The following LTBP2 variants were observed in gnomAD, a reference collection of about 807,000 sequenced individuals.
The protein encoded by LTBP2 is latent-transforming growth factor beta-binding protein 2.
LTBP2 carries 103 observed loss-of-function variants against 210.6 expected under a neutral mutation model. That is an observed-to-expected ratio of 0.49 (90% CI 0.42 to 0.58). LTBP2 has a LOEUF of 0.58. LTBP2 is among the 20% of genes least tolerant of loss of function. The pLI, the probability that LTBP2 is intolerant of heterozygous loss-of-function variation, is 0.00. For synonymous variants in LTBP2, 1,007 were observed against 1,015.0 expected (o/e 0.99, Z 0.15); for missense variants, 2,313 against 2,494.5 (o/e 0.93, Z 1.55).
At chr14:74,585,703 C>T in intron 3 of LTBP2, 151 bp downstream of exon 3, 1 of 1,267,720 alleles carries the variant, frequency 7.9e-7, no homozygotes, top group South Asian at 1.4e-5. Context: ...TATCTCTGGC[C>T]ATGCCAGGGA....
At chr14:74,564,275 ATATATATATT>A (rs1566640967) in intron 3 of LTBP2, among the ~76,000 whole-genome samples, 4 of 3,590 alleles carry the variant, frequency 1.1e-3, no homozygotes, top group African/African-American at 3.6e-3. Context: ...ATATATATTT[ATATATATATT>A]TATATATATA....
chr14:74,586,091 C>A lies in LTBP2; in HGVS notation c.593G>T (p.Arg198Leu). ...GAGCTGCGGGCGGCTGCAGGAGCCC[C>A]GGTTCTGGCACGGCGGCTCGCAAAC... is the stretch of plus-strand genomic sequence containing the variant. ...KPVCEPPCQN[R>L]GSCSRPQLCV... Residue 198 changes from arginine to leucine, a missense_variant, in exon 3 of 36, where the codon CGG (arginine) becomes CTG (leucine). Arg to Leu is a moderately radical substitution (Grantham distance 102, BLOSUM62 -2). Coordinates refer to ENST00000261978, the MANE Select transcript of LTBP2 (RefSeq NM_000428.3). This position sits in a 1 kb window ranked among gnomAD's most constrained non-coding sequence, Gnocchi z 4.6. 6.2e-7 allele frequency: 1 copy of A among 1,600,496 alleles called. No individual in the cohort carries two copies. The highest frequency in any genetic ancestry group is 8.5e-7 in the Non-Finnish European group (1 of 1,174,074).
chr14:74,513,844 A>G lies in LTBP2; in HGVS notation c.2909-2480T>C, dbSNP rs146568061. 2.0e-5 allele frequency among the ~76,000 whole-genome samples: 3 copies of G among 152,232 alleles called. No homozygotes were observed. The East Asian group carries it at 5.8e-4, about 29-fold the overall frequency. ...ACAAACAAACTTGGCTGCTATGTCA[A>G]TAAGATAGGGGTTGTTTGTTAACGC... On this transcript the variant is annotated intron_variant, in intron 18 of 35. Coordinates refer to ENST00000261978, the MANE Select transcript of LTBP2 (RefSeq NM_000428.3).
rs1377797214 is a variant in LTBP2, at chr14:74,529,129, C to T, written c.1988-7G>A. On this transcript the variant is annotated splice_region_variant and splice_polypyrimidine_tract_variant and intron_variant, in intron 10 of 35. Coordinates refer to ENST00000261978, the MANE Select transcript of LTBP2 (RefSeq NM_000428.3). ...ATGGAGATTGCCTTGTCCGCTGCAA[C>T]AGACACAGCACGTGGAGGTGGGCAG... 4 of 1,551,230 alleles carry T rather than the reference C, an allele frequency of 2.6e-6. No individual in the cohort carries two copies. Among genetic ancestry groups the T allele is most frequent in the Non-Finnish European group, 1.7e-6 (2 of 1,147,132 alleles).
In LTBP2 at chr14:74,611,387, G is replaced by A. The variant is rs1022645940; in HGVS notation, c.494+64C>T. Reference sequence around the variant, plus strand: ...CGGCGCCCTCTCCTCTCGCCTGCACGCCCCTCCACAAATGAGCCCTGGCTC... The same window carrying A: ...CGGCGCCCTCTCCTCTCGCCTGCACACCCCTCCACAAATGAGCCCTGGCTC... On this transcript the variant is annotated intron_variant, in intron 1 of 35. Transcript: ENST00000261978. 4 of 1,402,002 alleles carry A rather than the reference G, an allele frequency of 2.9e-6. No individual in the cohort carries two copies. In the African/African-American group the frequency reaches 6.0e-5, roughly 21 times the overall value. The allele number at this position is 1,402,002 out of a possible 1,614,324, so 86.8% of individuals were successfully genotyped here. A position where few individuals can be genotyped will look rare whatever the true frequency, so the allele number is the denominator to read the frequency against.
chr14:74,572,757 A>G (rs2088002456), intron 3 of LTBP2, among the ~76,000 whole-genome samples: 1 of 151,996 alleles, frequency 6.6e-6, no homozygotes, highest in Non-Finnish European at 1.5e-5. Flanking sequence ...ACACACACGC[A>G]TACACACACA....
Position 74,528,523 on chromosome 14 carries a change from G to A in LTBP2, c.2328C>T (p.Val776=), listed in dbSNP as rs1441802107. 6.2e-7 allele frequency: 1 copy of A among 1,612,334 alleles called. No individual in the cohort carries two copies. Among genetic ancestry groups the A allele is most frequent in the Non-Finnish European group, 8.5e-7 (1 of 1,180,042 alleles). The change falls in exon 12 of 36, where the codon GTC becomes GTT. Residue 776 remains valine, a synonymous_variant. Coordinates refer to ENST00000261978, the MANE Select transcript of LTBP2 (RefSeq NM_000428.3). ...TCCCGGCCTCAAGCCAGGTGTCCGTGACGACCCGGAGGGGCTGCCTCTCTG... is the reference window on the plus strand; with the variant it reads ...TCCCGGCCTCAAGCCAGGTGTCCGTAACGACCCGGAGGGGCTGCCTCTCTG... ...GPAERQPLRV[V]TDTWLEAGTI...
intron 3 of LTBP2, among the ~76,000 whole-genome samples, chr14:74,576,024 C>T (rs1486023973): frequency 6.6e-6 from 1 of 152,196 alleles, no homozygotes; most frequent in Non-Finnish European, 1.5e-5. Flanking sequence ...GCTGCCACAA[C>T]CCCCTGTCCA....
intron 18 of LTBP2, 140 bp downstream of exon 18, chr14:74,516,682 T>C: frequency 8.7e-7 from 1 of 1,144,340 alleles, no homozygotes; most frequent in Non-Finnish European, 1.3e-6. Context: ...CTCATAGGTG[T>C]CTCTGTCCAT....
At chr14:74,599,652 A>C (rs1299537019) in intron 2 of LTBP2, among the ~76,000 whole-genome samples, 1 of 152,264 alleles carries the variant, frequency 6.6e-6, no homozygotes. Context: ...ATGGCGGCCC[A>C]GCTCTAGCCC....
chr14:74,561,558 TAAG>T (rs747801134), intron 3 of LTBP2, among the ~76,000 whole-genome samples: 2 of 152,218 alleles, frequency 1.3e-5, no homozygotes, highest in Admixed American at 6.5e-5. Context: ...GGCCACTCTT[TAAG>T]AATGAGAGTG....
chr14:74,568,190 T>C (rs189896272), intron 3 of LTBP2, among the ~76,000 whole-genome samples: 1 of 152,308 alleles, frequency 6.6e-6, no homozygotes, highest in Non-Finnish European at 1.5e-5. Flanking sequence ...GGCTAGATTT[T>C]GGCCCCAGGG....
At chr14:74,567,481 C>T (rs2087920153) in intron 3 of LTBP2, among the ~76,000 whole-genome samples, 1 of 152,122 alleles carries the variant, frequency 6.6e-6, no homozygotes. Context: ...TGGGGGTGGC[C>T]CTGAGAGGTT....
intron 6 of LTBP2, among the ~76,000 whole-genome samples, chr14:74,551,792 TC>T (rs2087660521): frequency 6.6e-6 from 1 of 152,166 alleles, no homozygotes; most frequent in African/African-American, 2.4e-5. Context: ...CATCCCCTGA[TC>T]CCCTAAAGCA....
At chr14:74,526,899 C>T (rs3784029) in intron 13 of LTBP2, among the ~76,000 whole-genome samples, 44,578 of 151,946 alleles carry the variant, frequency 0.29, 6,873 homozygotes, top group African/African-American at 0.38. Flanking sequence ...TGGTTTGAGG[C>T]TGTTCACAGC....
chr14:74,517,027 G>T, intron 17 of LTBP2, 86 bp from the exon 18 acceptor site: 1 of 1,506,818 alleles, frequency 6.6e-7, no homozygotes, highest in Non-Finnish European at 8.9e-7. Flanking sequence ...CCTTCTAGAG[G>T]CCAAGGACAA....
Position 74,525,114 on chromosome 14 carries a change from C to A in LTBP2, c.2530+10G>T. On this transcript the variant is annotated intron_variant, in intron 15 of 35. Coordinates refer to ENST00000261978, the MANE Select transcript of LTBP2 (RefSeq NM_000428.3). ...GGTGCAGGGAGCCCCAAAGGTCTGGCTGCAGCTACCTGGGGTGCTCAGGGT... is the reference window on the plus strand; with the variant it reads ...GGTGCAGGGAGCCCCAAAGGTCTGGATGCAGCTACCTGGGGTGCTCAGGGT... 1 of 1,318,002 alleles carries A rather than the reference C, an allele frequency of 7.6e-7. No individual in the cohort carries two copies. Among genetic ancestry groups the A allele is most frequent in the South Asian group, 2.8e-5 (1 of 35,132 alleles). The allele number at this position is 1,318,002 out of a possible 1,614,324, so 81.6% of individuals were successfully genotyped here.
chr14:74,541,978 G>C (rs192083249), intron 8 of LTBP2, among the ~76,000 whole-genome samples: 3 of 152,284 alleles, frequency 2.0e-5, no homozygotes, highest in African/African-American at 7.2e-5. Context: ...TGTGAGACCT[G>C]GGGAGAGAGA....
Position 74,552,182 on chromosome 14 carries a change from C to T in LTBP2, c.1399+5G>A, listed in dbSNP as rs772727160. 1 of 1,597,568 alleles carries T rather than the reference C, an allele frequency of 6.3e-7. No homozygotes were observed. Among genetic ancestry groups the T allele is most frequent in the South Asian group, 1.1e-5 (1 of 89,594 alleles). ...TCCCGCCGGCCCAGCTGTGCCGGCACTCACCCAGCTGGTTGGAGAGCGGCA... is the reference window on the plus strand; with the variant it reads ...TCCCGCCGGCCCAGCTGTGCCGGCATTCACCCAGCTGGTTGGAGAGCGGCA... On this transcript the variant is annotated splice_donor_5th_base_variant and intron_variant, in intron 6 of 35. Coordinates refer to ENST00000261978, the MANE Select transcript of LTBP2 (RefSeq NM_000428.3).
Sources: gnomAD v4.1 joint callset for allele counts (sites outside exome capture counted in the v4.1 genomes callset) on GRCh38, gnomAD v4.1.1 for gene constraint, Gnocchi (gnomAD v3.1) non-coding constraint, MANE v1.5 for transcripts, NCBI Gene and HGNC (gene_info 2026-07-23, HGNC 2026-07-21) for gene names.